ITFG1: variants seen among roughly 807,000 people sequenced by gnomAD.
The protein encoded by ITFG1 is T-cell immunomodulatory protein.
A neutral mutation model predicts 81.8 loss-of-function variants in ITFG1; 34 were observed. The ratio of observed to expected loss-of-function variants is 0.42; its 90% CI spans 0.32 to 0.55. The LOEUF (loss-of-function observed/expected upper bound fraction) is 0.55. ITFG1 is among the 20% of genes least tolerant of loss of function. The pLI is 0.17. For missense variants in ITFG1, 672 were observed against 755.4 expected (o/e 0.89, Z 1.29); for synonymous variants, 285 against 270.6 (o/e 1.05, Z -0.52).
chr16:47,243,801 G>A (rs1005568760), intron 12 of ITFG1, among the ~76,000 whole-genome samples: 7 of 152,226 alleles, frequency 4.6e-5, no homozygotes, highest in Non-Finnish European at 1.0e-4. Context: ...AGCACTATGG[G>A]AGGCCAAGGT....
At chr16:47,458,998 C>T in intron 2 of ITFG1, 105 bp downstream of exon 2, 1 of 686,428 alleles carries the variant, frequency 1.5e-6, no homozygotes, top group Non-Finnish European at 2.5e-6. Flanking sequence ...AGTGGTTTTG[C>T]ATCCCAACAC....
At chr16:47,233,850 C>T (rs560066552) in intron 13 of ITFG1, among the ~76,000 whole-genome samples, 2 of 152,250 alleles carry the variant, frequency 1.3e-5, no homozygotes, top group African/African-American at 4.8e-5. Flanking sequence ...TCCTGTATAA[C>T]AGGGAATTAC....
At chr16:47,234,022 C>T (rs1050016287) in intron 13 of ITFG1, among the ~76,000 whole-genome samples, 8 of 152,172 alleles carry the variant, frequency 5.3e-5, no homozygotes, top group Admixed American at 6.5e-5. Flanking sequence ...TCAGATCAAC[C>T]TTAAAACTTC....
intron 6 of ITFG1, among the ~76,000 whole-genome samples, chr16:47,420,260 C>A (rs1968928083): frequency 6.6e-6 from 1 of 152,112 alleles, no homozygotes; most frequent in African/African-American, 2.4e-5. Context: ...GGCCTAACAT[C>A]TGGTCTGTCC....
At chr16:47,451,069 G>C (rs528224189) in intron 5 of ITFG1, among the ~76,000 whole-genome samples, 24 of 152,186 alleles carry the variant, frequency 1.6e-4, no homozygotes, top group Non-Finnish European at 2.9e-4. Flanking sequence ...AAGGTACTAA[G>C]ATAGGGAGGA....
chr16:47,445,247 GAA>G (rs907756228), intron 5 of ITFG1, among the ~76,000 whole-genome samples: 19 of 30,816 alleles, frequency 6.2e-4, no homozygotes, highest in African/African-American at 1.7e-3. Flanking sequence ...CTCCGTCTCA[GAA>G]AAAAAAAAAA....
intron 8 of ITFG1, among the ~76,000 whole-genome samples, chr16:47,355,965 T>A (rs543720894): frequency 6.6e-6 from 1 of 152,288 alleles, no homozygotes; most frequent in South Asian, 2.1e-4. Context: ...ACAGCATATA[T>A]ACTAGTAGGT....
chr16:47,418,980 G>A (rs1364609925), intron 6 of ITFG1, among the ~76,000 whole-genome samples: 1 of 152,130 alleles, frequency 6.6e-6, no homozygotes, highest in Non-Finnish European at 1.5e-5. Flanking sequence ...GATTGCTTTT[G>A]GAAATATGGT....
intron 14 of ITFG1, among the ~76,000 whole-genome samples, chr16:47,184,674 A>G (rs1024132004): frequency 1.3e-5 from 2 of 152,186 alleles, no homozygotes; most frequent in Admixed American, 6.5e-5. Flanking sequence ...CTGCAAAATC[A>G]TGCCAAAATG....
At chr16:47,450,482 G>A (rs1455184065) in intron 5 of ITFG1, 3 of 383,226 alleles carry the variant, frequency 7.8e-6, no homozygotes, top group Non-Finnish European at 1.0e-5. Context: ...AATAGGAAAT[G>A]TTAAAGTGTC....
In ITFG1 at chr16:47,155,607, T is replaced by C. The variant is rs1220373991; in HGVS notation, c.*112A>G. 5.7e-6 allele frequency: 4 copies of C among 707,838 alleles called. No homozygotes were observed. The highest frequency in any genetic ancestry group is 9.7e-6 in the Non-Finnish European group (4 of 412,902). 43.8% of individuals were successfully genotyped at this position (707,838 alleles called of 1,614,324 possible). ...TTTGAATACTTTCCAATAATTACCATGGGATACATCATTTATAAATAATAT... is the reference window on the plus strand; with the variant it reads ...TTTGAATACTTTCCAATAATTACCACGGGATACATCATTTATAAATAATAT... On this transcript the variant is annotated 3_prime_UTR_variant, in exon 18 of 18. Coordinates refer to ENST00000320640, the MANE Select transcript of ITFG1 (RefSeq NM_030790.5).
chr16:47,441,885 A>G (rs1022919373), intron 5 of ITFG1, among the ~76,000 whole-genome samples: 1 of 152,208 alleles, frequency 6.6e-6, no homozygotes, highest in African/African-American at 2.4e-5. Flanking sequence ...AGAGGAAGTC[A>G]AATTGTCCCT....
intron 6 of ITFG1, among the ~76,000 whole-genome samples, chr16:47,414,985 T>A (rs766833046): frequency 6.6e-6 from 1 of 152,214 alleles, no homozygotes; most frequent in Non-Finnish European, 1.5e-5. Flanking sequence ...TAGGGACAAA[T>A]TGAAACTGGG....
chr16:47,337,691 G>A (rs1242221375), intron 8 of ITFG1, among the ~76,000 whole-genome samples: 2 of 152,200 alleles, frequency 1.3e-5, no homozygotes, highest in Non-Finnish European at 2.9e-5. Context: ...CAATAAAATC[G>A]CAATTGCGAC....
rs188893206 is a variant in ITFG1, at chr16:47,443,202, C to T, written c.560+8194G>A. On this transcript the variant is annotated intron_variant, in intron 5 of 17. Coordinates refer to ENST00000320640, the MANE Select transcript of ITFG1 (RefSeq NM_030790.5). ...GCAAATCAAAACCACAATGAGATAC[C>T]ATTTCATACCAGGTAGAATGGTGAT... Among the ~76,000 whole-genome samples the T allele has an allele frequency of 1.1e-4, 17 of 152,264 alleles. No individual in the cohort carries two copies. The East Asian group carries it at 3.1e-3, about 28-fold the overall frequency.
intron 8 of ITFG1, among the ~76,000 whole-genome samples, chr16:47,341,387 G>C (rs1967780475): frequency 6.9e-6 from 1 of 145,194 alleles, no homozygotes; most frequent in Non-Finnish European, 1.5e-5. Context: ...CAGTGAGCTA[G>C]GACTGCGCCA....
rs146103342 is a variant in ITFG1 at position 47,301,522 on chromosome 16, G to A, written c.1070+9718C>T. On this transcript the variant is annotated intron_variant, in intron 10 of 17. Coordinates refer to ENST00000320640, the MANE Select transcript of ITFG1 (RefSeq NM_030790.5). ...AGCAATTCTCCTGCCTCAGCCTCCC[G>A]AGTAGGTGGGACTACAGGCGCCTGC... Among the ~76,000 whole-genome samples the A allele has an allele frequency of 8.3e-3, 1,248 of 150,986 alleles. 12 individuals are homozygous for A. The highest frequency in any genetic ancestry group is 0.01 in the Non-Finnish European group (708 of 67,812).
chr16:47,449,576 A>C (rs1372799262), intron 5 of ITFG1: 4 of 152,244 alleles, frequency 2.6e-5, no homozygotes, highest in African/African-American at 9.6e-5. Flanking sequence ...TCTTAGATGC[A>C]AACTTATCAC....
intron 12 of ITFG1, among the ~76,000 whole-genome samples, chr16:47,255,274 T>G (rs1224891566): frequency 6.6e-6 from 1 of 152,214 alleles, no homozygotes; most frequent in African/African-American, 2.4e-5. Context: ...CAGGAGCCCA[T>G]TAAAATAATG....
Sources: gnomAD v4.1 joint callset for allele counts (sites outside exome capture counted in the v4.1 genomes callset) on GRCh38, gnomAD v4.1.1 for gene constraint, MANE v1.5 for transcripts, NCBI Gene and HGNC (gene_info 2026-07-23, HGNC 2026-07-21) for gene names.